The following ZNF841 variants were observed in gnomAD, a reference collection of about 807,000 sequenced individuals.
The protein encoded by ZNF841 is zinc finger protein 841.
Under a neutral mutation model 13.0 loss-of-function variants are expected in ZNF841, and 11 were observed. That is an observed-to-expected ratio of 0.85 (90% CI 0.53 to 1.40). The LOEUF is 1.40. Ranked by LOEUF, ZNF841 falls within the 40% of genes most tolerant of loss-of-function variation. The pLI is 0.00. For missense variants in ZNF841, 1,068 were observed against 1,139.5 expected, an observed-to-expected ratio of 0.94 and a Z score of 0.90; for synonymous variants, 369 against 381.6, an observed-to-expected ratio of 0.97 and a Z score of 0.38.
At chr19:52,060,405 A>G (rs2087377589), downstream of ZNF841, among the ~76,000 whole-genome samples, 1 of 152,246 alleles carries the variant, frequency 6.6e-6, no homozygotes. Flanking sequence ...GTTTCTGGCC[A>G]GGGCCATTCT....
chr19:52,091,824 C>T (rs2088506911), intron 2 of ZNF841, among the ~76,000 whole-genome samples: 1 of 152,114 alleles, frequency 6.6e-6, no homozygotes, highest in Non-Finnish European at 1.5e-5. Flanking sequence ...AATGGTGGGA[C>T]TACATCAAAC....
At position 52,065,512 on chromosome 19, in the gene ZNF841, C is replaced by A; in HGVS notation, c.2370G>T (p.Glu790Asp). The A allele has an allele frequency of 1.2e-6, 2 of 1,614,120 alleles. No individual in the cohort carries two copies. Among genetic ancestry groups the A allele is most frequent in the Non-Finnish European group, 1.7e-6 (2 of 1,180,008 alleles). ...LARHWSIHTG[E>D]KPYKCNECGK... ...CACACTCATTACATTTGTAAGGTTTCTCTCCAGTATGAATACTCCAATGAC... is the reference window on the plus strand; with the variant it reads ...CACACTCATTACATTTGTAAGGTTTATCTCCAGTATGAATACTCCAATGAC... Residue 790 changes from glutamate to aspartate, a missense_variant, in exon 7 of 7, where the codon GAG becomes GAT. Transcript: ENST00000594440.
At chr19:52,076,253 C>A in intron 5 of ZNF841, 81 bp from the exon 6 acceptor site, 1 of 1,470,024 alleles carries the variant, frequency 6.8e-7, no homozygotes, top group South Asian at 1.3e-5. Context: ...GAAAACACTG[C>A]AGTTGAATCT....
intron 2 of ZNF841, among the ~76,000 whole-genome samples, chr19:52,090,151 G>T (rs1392584572): frequency 1.3e-5 from 2 of 152,020 alleles, no homozygotes; most frequent in Non-Finnish European, 2.9e-5. Context: ...TCTGAAAAAA[G>T]AAATAAAGAA....
At chr19:52,090,676 A>AAAGAAAGAAAG (rs2088454413) in intron 2 of ZNF841, among the ~76,000 whole-genome samples, 1 of 144,644 alleles carries the variant, frequency 6.9e-6, no homozygotes, top group Admixed American at 7.0e-5. Flanking sequence ...AGAAAGAAAG[A>AAAGAAAGAAAG]AAGAAAGAAA....
chr19:52,069,792 C>G (rs1011726692), intron 6 of ZNF841, among the ~76,000 whole-genome samples: 1 of 152,180 alleles, frequency 6.6e-6, no homozygotes, highest in Non-Finnish European at 1.5e-5. Context: ...GAACTTTGCA[C>G]CACCCAGATC....
At chr19:52,063,482 G>A (rs554988931), downstream of ZNF841, among the ~76,000 whole-genome samples, 11 of 151,994 alleles carry the variant, frequency 7.2e-5, no homozygotes, top group African/African-American at 1.9e-4. Context: ...CCCAAGTAGC[G>A]GGATTACAGG....
intron 4 of ZNF841, among the ~76,000 whole-genome samples, chr19:52,080,159 C>T (rs1316223956): frequency 1.3e-5 from 2 of 152,040 alleles, no homozygotes; most frequent in African/African-American, 4.8e-5. Context: ...AGCATATATA[C>T]CATGGCACTT....
chr19:52,066,191 G>T lies in ZNF841; in HGVS notation c.1691C>A (p.Thr564Asn). ...GYLSVHMRCH[T>N]GEKPLHCNKC... ...ATTACAATGGAGAGGTTTCTCTCCA[G>T]TATGACATCTCATATGAACCGAAAG... Residue 564 changes from threonine (T) to asparagine (N), a missense_variant, in exon 7 of 7, where the codon ACT becomes AAT. Coordinates refer to ENST00000594440, the MANE Select transcript of ZNF841 (RefSeq NM_001136499.2). 6.2e-7 allele frequency: 1 copy of T among 1,613,838 alleles called. No individual in the cohort carries two copies. Among genetic ancestry groups the T allele is most frequent in the Non-Finnish European group, 8.5e-7 (1 of 1,179,870 alleles).
At chr19:52,090,654 G>GGAAGGAAAGAAA (rs1183196348) in intron 2 of ZNF841, among the ~76,000 whole-genome samples, 1,287 of 84,502 alleles carry the variant, frequency 0.015, 18 homozygotes, top group African/African-American at 0.021. Context: ...AAGGAAGGAA[G>GGAAGGAAAGAAA]GAAAGAAAGA....
downstream of ZNF841, among the ~76,000 whole-genome samples, chr19:52,063,023 G>A (rs953922524): frequency 2.6e-5 from 4 of 151,954 alleles, no homozygotes; most frequent in African/African-American, 9.7e-5. Context: ...CTGCAGGCAC[G>A]TGCCACCACG....
At chr19:52,079,519 TTAAG>T (rs150087580) in intron 4 of ZNF841, among the ~76,000 whole-genome samples, 31,381 of 150,040 alleles carry the variant, frequency 0.21, 4,579 homozygotes, top group African/African-American at 0.41. Flanking sequence ...TTCCTCTAAA[TTAAG>T]TAAGAGAAAA....
rs72483950 is a variant in ZNF841 at position 52,065,804 on chromosome 19, C to T, written c.2078G>A (p.Ser693Asn). The T allele has an allele frequency of 2.8e-3, 4,540 of 1,612,294 alleles. 200 individuals carry two copies. The East Asian group carries it at 0.091, about 32-fold the overall frequency. ...CNEFGEAFIQ[S>N]SKLARYHRNP... ...TCTGTGATATCTTGCAAGTTTTGAA[C>T]TTTGGATAAAAGCCTCACCAAATTC... is the stretch of plus-strand genomic sequence containing the variant. The change falls in exon 7 of 7, where the codon AGT becomes AAT. Residue 693 changes from serine to asparagine, a missense_variant. Coordinates refer to ENST00000594440, the MANE Select transcript of ZNF841 (RefSeq NM_001136499.2).
chr19:52,085,725 C>T (rs2088251589), intron 3 of ZNF841, among the ~76,000 whole-genome samples: 1 of 152,120 alleles, frequency 6.6e-6, no homozygotes, highest in African/African-American at 2.4e-5. Flanking sequence ...AGGAAAGAGG[C>T]CTGTGTGGCT....
chr19:52,077,179 G>A, intron 4 of ZNF841, 95 bp from the exon 5 acceptor site: 1 of 1,386,838 alleles, frequency 7.2e-7, no homozygotes. Context: ...CAATTTGATT[G>A]AAGTGTGTTT....
In ZNF841 at chr19:52,067,113, T is replaced by G. The variant is rs1425533654; in HGVS notation, c.769A>C (p.Arg257=). 6.3e-7 allele frequency: 1 copy of G among 1,578,844 alleles called. No homozygotes were observed. The highest frequency in any genetic ancestry group is 8.6e-7 in the Non-Finnish European group (1 of 1,160,608). Residue 257 remains arginine (R), a synonymous_variant, in exon 7 of 7, where the codon AGG becomes CGG. Transcript: ENST00000594440. Reference sequence around the variant, plus strand: ...TCATTACCTATGTAAGGTTTTTCCCTAATATGTGTTTTCTCGTCTTGTGTA... The same window carrying G: ...TCATTACCTATGTAAGGTTTTTCCCGAATATGTGTTTTCTCGTCTTGTGTA... ...LPTQDEKTHI[R]EKPYIGNECG...
chr19:52,087,797 C>G (rs2088327246), intron 3 of ZNF841, among the ~76,000 whole-genome samples: 1 of 151,864 alleles, frequency 6.6e-6, no homozygotes, highest in Admixed American at 6.6e-5. Flanking sequence ...ACCAGCCTGG[C>G]CAACGTGGTG....
chr19:52,084,718 T>G, intron 4 of ZNF841, 69 bp downstream of exon 4: 1 of 1,545,336 alleles, frequency 6.5e-7, no homozygotes. Context: ...CAGAGAAGAT[T>G]TGCAGCTCCA....
intron 4 of ZNF841, among the ~76,000 whole-genome samples, chr19:52,082,302 A>G (rs2088125712): frequency 6.6e-6 from 1 of 152,250 alleles, no homozygotes; most frequent in African/African-American, 2.4e-5. Flanking sequence ...TTGTATAAAA[A>G]AAGAACCAAC....
Sources: gnomAD v4.1 joint callset for allele counts (sites outside exome capture counted in the v4.1 genomes callset) on GRCh38, gnomAD v4.1.1 for gene constraint, MANE v1.5 for transcripts, NCBI Gene and HGNC (gene_info 2026-07-23, HGNC 2026-07-21) for gene names.